The following OXNAD1 variants were observed in gnomAD, a reference collection of about 807,000 sequenced individuals.
OXNAD1 encodes oxidoreductase NAD binding domain containing 1.
Under a neutral mutation model 32.9 loss-of-function variants are expected in OXNAD1, and 34 were observed. The observed-to-expected ratio is 1.03, with a 90% CI of 0.79 to 1.38. The LOEUF (loss-of-function observed/expected upper bound fraction) is 1.38, where lower values mean the gene tolerates loss of function less well. Ranked by LOEUF, OXNAD1 falls within the 40% of genes most tolerant of loss-of-function variation. The pLI is 0.00. For missense variants in OXNAD1, 407 were observed against 379.4 expected (o/e 1.07, Z -0.60); for synonymous variants, 134 against 135.2 (o/e 0.99, Z 0.06).
At position 16,345,829 on chromosome 3, in the gene OXNAD1, T is replaced by TGTGTGTGC. The variant is rs758493435; in HGVS notation, c.*31-3346_*31-3345insTGTGTGCG. On this transcript the variant is annotated intron_variant, in intron 9 of 9. Coordinates refer to the OXNAD1 transcript ENST00000606098. This position sits in a 1 kb window ranked among gnomAD's most constrained non-coding sequence, Gnocchi z 5.2. ...GTGTGTGTGTGTGTGCGCGCGCGCGTGCGCGCACGCGCACATGTGCATGTG... is the reference window on the plus strand; with the variant it reads ...GTGTGTGTGTGTGTGCGCGCGCGCGTGTGTGTGCGCGCGCACGCGCACATGTGCATGTG... 6.3e-4 allele frequency among the ~76,000 whole-genome samples: 44 copies of TGTGTGTGC among 69,878 alleles called. No individual in the cohort carries two copies. The highest frequency in any genetic ancestry group is 2.7e-3 in the East Asian group (6 of 2,204). The allele number at this position is 69,878 out of a possible 152,430, so 45.8% of individuals were successfully genotyped here.
chr3:16,274,086 C>T (rs2065150668), intron 4 of OXNAD1, among the ~76,000 whole-genome samples: 1 of 150,940 alleles, frequency 6.6e-6, no homozygotes, highest in Non-Finnish European at 1.5e-5. Flanking sequence ...ATGCTAATGG[C>T]ACGTCTCTCT....
chr3:16,272,196 G>A (rs2064992074), intron 4 of OXNAD1: 1 of 451,324 alleles, frequency 2.2e-6, no homozygotes, highest in Non-Finnish European at 4.4e-6. Flanking sequence ...AAAGGAAAGT[G>A]GACGAGCTCT....
intron 9 of OXNAD1, among the ~76,000 whole-genome samples, chr3:16,323,107 T>A (rs1271585711): frequency 6.6e-6 from 1 of 152,152 alleles, no homozygotes; most frequent in African/African-American, 2.4e-5. Context: ...AGTGGGAATA[T>A]CTAGCAGGCT....
chr3:16,298,633 G>A lies in OXNAD1; in HGVS notation c.433-2993G>A, dbSNP rs747726085. Among the ~76,000 whole-genome samples, 1 of 152,118 alleles carries A rather than the reference G, an allele frequency of 6.6e-6. No individual in the cohort carries two copies. Among genetic ancestry groups the A allele is most frequent in the East Asian group, 1.9e-4 (1 of 5,178 alleles). ...CCATTCGAGTGGACAATGGAGGCAC[G>A]TGAGTGTCTGGGTGGCAGCAGGCTG... On this transcript the variant is annotated intron_variant, in intron 6 of 8. Transcript: ENST00000285083. The surrounding 1 kb of genome is among the most constrained non-coding windows in gnomAD (Gnocchi z 5.1).
chr3:16,324,646 TTGTGTGTGTGTGTGTGTGTGTGTG>T (rs71632869), intron 9 of OXNAD1, among the ~76,000 whole-genome samples: 7 of 100,474 alleles, frequency 7.0e-5, no homozygotes, highest in Admixed American at 2.2e-4. Flanking sequence ...TAGTATTCCA[TTGTGTGTGTGTGTGTGTGTGTGTG>T]TGTGTGTGTG....
Position 16,321,084 on chromosome 3 carries a change from G to C in OXNAD1, c.*31-16028G>C, listed in dbSNP as rs1236780719. 1.3e-5 allele frequency among the ~76,000 whole-genome samples: 2 copies of C among 152,162 alleles called. No homozygotes were observed. Among genetic ancestry groups the C allele is most frequent in the Non-Finnish European group, 2.9e-5 (2 of 68,022 alleles). On this transcript the variant is annotated intron_variant, in intron 9 of 9. Transcript: ENST00000435829. The surrounding 1 kb of genome is among the most constrained non-coding windows in gnomAD (Gnocchi z 4.8). ...GGATAGATTGAATATAGGGGAAGGA[G>C]AGGGGAGGGTCAGCAGGGATAGCCC...
At chr3:16,333,936 C>T (rs59797238) in intron 9 of OXNAD1, among the ~76,000 whole-genome samples, 14,807 of 152,150 alleles carry the variant, frequency 0.097, 1,069 homozygotes, top group African/African-American at 0.2. Flanking sequence ...GAGGCCGACG[C>T]GGGTAGAGCA....
chr3:16,284,041 T>C lies in OXNAD1; in HGVS notation c.184-2301T>C, dbSNP rs1487243424. Among the ~76,000 whole-genome samples, 2 of 152,214 alleles carry C rather than the reference T, an allele frequency of 1.3e-5. No individual in the cohort carries two copies. Among genetic ancestry groups the C allele is most frequent in the African/African-American group, 4.8e-5 (2 of 41,436 alleles). On this transcript the variant is annotated intron_variant, in intron 4 of 8. Coordinates refer to ENST00000285083, the MANE Select transcript of OXNAD1 (RefSeq NM_138381.5). The surrounding 1 kb of genome is among the most constrained non-coding windows in gnomAD (Gnocchi z 4.1). ...TTCTGTGGGCTATAGAAGAGCTGATTGTCTCAGTAGAGGAAGAGACGAAAG... is the reference window on the plus strand; with the variant it reads ...TTCTGTGGGCTATAGAAGAGCTGATCGTCTCAGTAGAGGAAGAGACGAAAG...
Position 16,320,981 on chromosome 3 carries a change from G to C in OXNAD1, c.*31-16131G>C, listed in dbSNP as rs2068982882. Among the ~76,000 whole-genome samples, 1 of 152,226 alleles carries C rather than the reference G, an allele frequency of 6.6e-6. No homozygotes were observed. The highest frequency in any genetic ancestry group is 2.1e-4 in the South Asian group (1 of 4,832). On this transcript the variant is annotated intron_variant, in intron 9 of 9. Coordinates refer to the OXNAD1 transcript ENST00000435829. The surrounding 1 kb of genome is among the most constrained non-coding windows in gnomAD (Gnocchi z 4.5). Reference sequence around the variant, plus strand: ...GGGGATATCTATTATTAGGAGATTAGAATAGCTGAGGCGAGTGATGGTAGA... The same window carrying C: ...GGGGATATCTATTATTAGGAGATTACAATAGCTGAGGCGAGTGATGGTAGA...
rs1430734365 is a variant in OXNAD1, at chr3:16,329,383, G to A, written c.*31-7729G>A. Among the ~76,000 whole-genome samples, 1 of 152,160 alleles carries A rather than the reference G, an allele frequency of 6.6e-6. No individual in the cohort carries two copies. The highest frequency in any genetic ancestry group is 1.5e-5 in the Non-Finnish European group (1 of 68,026). ...AGAGGAAACTTAATAAAGGAAGGCG[G>A]AAGGGAGGAGGGAAGGGAGGAAAGG... On this transcript the variant is annotated intron_variant, in intron 9 of 9. Coordinates refer to the OXNAD1 transcript ENST00000435829. The surrounding 1 kb of genome is among the most constrained non-coding windows in gnomAD (Gnocchi z 4.5).
intron 4 of OXNAD1, among the ~76,000 whole-genome samples, chr3:16,281,225 G>A (rs549678622): frequency 6.6e-6 from 1 of 152,284 alleles, no homozygotes; most frequent in South Asian, 2.1e-4. Context: ...AATAGTAACA[G>A]GGAAGCATGT....
rs910629121 is a variant in OXNAD1 at position 16,326,832 on chromosome 3, C to T, written c.*31-10280C>T. ...AGGTGAGCTGCCAGCCATAGGCCGC[C>T]AGCGAGTTCAGCAGGGGCACGTAGT... On this transcript the variant is annotated intron_variant, in intron 9 of 9. Coordinates refer to the OXNAD1 transcript ENST00000435829. 3.7e-6 allele frequency: 6 copies of T among 1,613,992 alleles called. No homozygotes were observed. In the Admixed American group the frequency reaches 6.7e-5, roughly 18 times the overall value.
In OXNAD1 at chr3:16,303,328, C is replaced by G. The variant is rs7644052; in HGVS notation, c.785-80C>G. ...CTGAACTTGGAAATAAACACTGTAT[C>G]TGAATTGTGGTTAGTCCTTCCTCAT... On this transcript the variant is annotated intron_variant, in intron 8 of 8. Coordinates refer to ENST00000285083, the MANE Select transcript of OXNAD1 (RefSeq NM_138381.5). The surrounding 1 kb of genome is among the most constrained non-coding windows in gnomAD (Gnocchi z 4.8). The G allele has an allele frequency of 2.7e-6, 4 of 1,481,262 alleles. No individual in the cohort carries two copies. The highest frequency in any genetic ancestry group is 3.7e-6 in the Non-Finnish European group (4 of 1,077,624). 91.8% of individuals were successfully genotyped at this position (1,481,262 alleles called of 1,614,324 possible). A position where few individuals can be genotyped will look rare whatever the true frequency, so the allele number is the denominator to read the frequency against.
rs2068445983 is a variant in OXNAD1 at position 16,316,862 on chromosome 3, TC to T, written c.*30+13272del. On this transcript the variant is annotated intron_variant, in intron 9 of 9. Transcript: ENST00000435829. This position sits in a 1 kb window ranked among gnomAD's most constrained non-coding sequence, Gnocchi z 4.5. ...TTCAACCGTACCAAGCTCTCTGACTTCCTCAGCATCCCCGTCCCTGGCATCC... is the reference window on the plus strand; with the variant it reads ...TTCAACCGTACCAAGCTCTCTGACTTCTCAGCATCCCCGTCCCTGGCATCC... 1.2e-6 allele frequency: 2 copies of T among 1,614,132 alleles called. No individual in the cohort carries two copies. Among genetic ancestry groups the T allele is most frequent in the East Asian group, 4.5e-5 (2 of 44,876 alleles).
Position 16,312,522 on chromosome 3 carries a change from C to T in OXNAD1, c.*30+8930C>T, listed in dbSNP as rs568008143. On this transcript the variant is annotated intron_variant, in intron 9 of 9. Transcript: ENST00000435829. The surrounding 1 kb of genome is among the most constrained non-coding windows in gnomAD (Gnocchi z 4.7). ...GTCCTTTCAGGACTTGATCTTCAATCTTAGGCTGCTGTGAGCCCTAGCAGG... is the reference window on the plus strand; with the variant it reads ...GTCCTTTCAGGACTTGATCTTCAATTTTAGGCTGCTGTGAGCCCTAGCAGG... Among the ~76,000 whole-genome samples, 29 of 152,340 alleles carry T rather than the reference C, an allele frequency of 1.9e-4. No homozygotes were observed. Among genetic ancestry groups the T allele is most frequent in the South Asian group, 4.2e-4 (2 of 4,818 alleles).
intron 6 of OXNAD1, among the ~76,000 whole-genome samples, chr3:16,300,089 C>T (rs1486282945): frequency 2.0e-5 from 3 of 152,122 alleles, no homozygotes; most frequent in Non-Finnish European, 2.9e-5. Flanking sequence ...AGTCTTTTGA[C>T]TCCTAGATCA....
At chr3:16,326,804 C>G (rs1169908696) in intron 9 of OXNAD1, 2 of 1,614,118 alleles carry the variant, frequency 1.2e-6, no homozygotes, top group Non-Finnish European at 1.7e-6. Flanking sequence ...GTTGGTAGCA[C>G]ACAGGTGAGC....
intron 2 of OXNAD1, 112 bp downstream of exon 2, chr3:16,269,387 C>A: frequency 8.6e-7 from 1 of 1,158,748 alleles, no homozygotes; most frequent in South Asian, 1.5e-5. Flanking sequence ...AGGCCTTCTG[C>A]TTTTTTCATT....
intron 5 of OXNAD1, among the ~76,000 whole-genome samples, chr3:16,293,008 T>C (rs1045056616): frequency 6.6e-6 from 1 of 152,218 alleles, no homozygotes; most frequent in South Asian, 2.1e-4. Flanking sequence ...GATTATGGGT[T>C]CCTCAAATTT....
Sources: gnomAD v4.1 joint callset for allele counts (sites outside exome capture counted in the v4.1 genomes callset) on GRCh38, gnomAD v4.1.1 for gene constraint, Gnocchi (gnomAD v3.1) non-coding constraint, MANE v1.5 for transcripts, NCBI Gene and HGNC (gene_info 2026-07-23, HGNC 2026-07-21) for gene names.